The following ATP1B3 variants were observed in gnomAD, a reference collection of about 807,000 sequenced individuals.
The protein encoded by ATP1B3 is ATPase Na+/K+ transporting subunit beta 3.
A neutral mutation model predicts 30.2 loss-of-function variants in ATP1B3; 10 were observed. That is an observed-to-expected ratio of 0.33 (90% CI 0.20 to 0.56). The LOEUF is 0.56. ATP1B3 is among the 20% of genes least tolerant of loss of function. The pLI, the probability that ATP1B3 is intolerant of heterozygous loss-of-function variation, is 0.90. For missense variants in ATP1B3, 238 were observed against 336.7 expected, an observed-to-expected ratio of 0.71 and a Z score of 2.29; for synonymous variants, 113 against 117.0, an observed-to-expected ratio of 0.97 and a Z score of 0.22.
chr3:141,890,868 C>T (rs373673292), intron 1 of ATP1B3, among the ~76,000 whole-genome samples: 5 of 152,230 alleles, frequency 3.3e-5, no homozygotes, highest in East Asian at 3.8e-4. Flanking sequence ...TCACGGCCCC[C>T]AGTCTGTGTT....
At chr3:141,904,116 AGTTT>A (rs1934218443) in intron 2 of ATP1B3, among the ~76,000 whole-genome samples, 2 of 152,210 alleles carry the variant, frequency 1.3e-5, no homozygotes, top group South Asian at 4.1e-4. Context: ...ATTGAGTTAT[AGTTT>A]ATCTTCACCA....
intron 5 of ATP1B3, chr3:141,916,372 A>G (rs1185342580): frequency 2.1e-6 from 1 of 470,468 alleles, no homozygotes; most frequent in African/African-American, 2.0e-5. Context: ...CTCTTTCTTA[A>G]TAGTTAGTTG....
chr3:141,889,083 G>T (rs1425771587), intron 1 of ATP1B3, among the ~76,000 whole-genome samples: 1 of 148,734 alleles, frequency 6.7e-6, no homozygotes, highest in Non-Finnish European at 1.5e-5. Context: ...GAGAGAGAGA[G>T]CCAAGGGGGA....
At chr3:141,912,761 A>T (rs953543049) in intron 3 of ATP1B3, among the ~76,000 whole-genome samples, 1 of 152,168 alleles carries the variant, frequency 6.6e-6, no homozygotes, top group Non-Finnish European at 1.5e-5. Flanking sequence ...TGTGCCAAGT[A>T]CGGAGCAGAA....
At chr3:141,920,767 G>A (rs928915658) in intron 5 of ATP1B3, among the ~76,000 whole-genome samples, 7 of 152,174 alleles carry the variant, frequency 4.6e-5, no homozygotes, top group African/African-American at 1.4e-4. Flanking sequence ...GAGTACAAAT[G>A]TAGGGTGGAG....
intron 1 of ATP1B3, among the ~76,000 whole-genome samples, chr3:141,888,300 T>G (rs1015254603): frequency 2.0e-5 from 3 of 152,198 alleles, no homozygotes; most frequent in Non-Finnish European, 2.9e-5. Context: ...TCAGAGTGTT[T>G]CCTACAGATG....
chr3:141,890,284 GCTTTTTTTTTTTTTTTTTTT>G (rs1933922709), intron 1 of ATP1B3, among the ~76,000 whole-genome samples: 1 of 40,236 alleles, frequency 2.5e-5, no homozygotes, highest in Non-Finnish European at 4.6e-5. Context: ...TTTTTGTGGG[GCTTTTTTTTTTTTTTTTTTT>G]TTTTTTTTTT....
intron 1 of ATP1B3, among the ~76,000 whole-genome samples, chr3:141,897,931 A>C (rs1163077852): frequency 1.3e-5 from 2 of 152,200 alleles, no homozygotes; most frequent in African/African-American, 4.8e-5. Flanking sequence ...GCTGGTCTCG[A>C]ACTCCTGACC....
At chr3:141,880,350 C>T (rs990080018) in intron 1 of ATP1B3, among the ~76,000 whole-genome samples, 2 of 152,096 alleles carry the variant, frequency 1.3e-5, no homozygotes, top group East Asian at 1.9e-4. Flanking sequence ...TTCACAGTAA[C>T]GTAAAGCCAA....
chr3:141,912,056 T>C (rs1934371936), intron 3 of ATP1B3, among the ~76,000 whole-genome samples: 1 of 152,188 alleles, frequency 6.6e-6, no homozygotes, highest in South Asian at 2.1e-4. Context: ...TGCAAAGTGT[T>C]GGATGTCATG....
intron 1 of ATP1B3, among the ~76,000 whole-genome samples, chr3:141,886,253 C>T (rs1267611062): frequency 6.6e-6 from 1 of 152,126 alleles, no homozygotes; most frequent in Non-Finnish European, 1.5e-5. Context: ...GTTGTAGCTA[C>T]ACGGATGTAT....
intron 1 of ATP1B3, among the ~76,000 whole-genome samples, chr3:141,885,918 C>T (rs961458726): frequency 1.2e-4 from 18 of 150,452 alleles, no homozygotes; most frequent in African/African-American, 3.5e-4. Context: ...CACACACACA[C>T]ACACACCCCT....
chr3:141,904,316 T>TG (rs1316590079), intron 2 of ATP1B3, among the ~76,000 whole-genome samples: 1 of 151,906 alleles, frequency 6.6e-6, no homozygotes, highest in Non-Finnish European at 1.5e-5. Flanking sequence ...TTTTTTTTTT[T>TG]GTCAGAAGTA....
chr3:141,880,897 C>T (rs1315663505), intron 1 of ATP1B3, among the ~76,000 whole-genome samples: 1 of 152,080 alleles, frequency 6.6e-6, no homozygotes, highest in Non-Finnish European at 1.5e-5. Flanking sequence ...GACTCCAAGG[C>T]CAGAGATTTT....
At chr3:141,919,425 C>T (rs1432183287) in intron 5 of ATP1B3, among the ~76,000 whole-genome samples, 1 of 151,890 alleles carries the variant, frequency 6.6e-6, no homozygotes, top group African/African-American at 2.4e-5. Flanking sequence ...CCAAGGTGGC[C>T]TTTTATATTA....
At chr3:141,904,462 A>G (rs2068229) in intron 2 of ATP1B3, among the ~76,000 whole-genome samples, 52,830 of 151,770 alleles carry the variant, frequency 0.35, 10,386 homozygotes, top group East Asian at 0.54. Context: ...CACTAGCTTC[A>G]GTTAGAGCTT....
Position 141,926,478 on chromosome 3 carries a change from CTG to C in ATP1B3, c.*780_*781del, listed in dbSNP as rs1481321011. On this transcript the variant is annotated 3_prime_UTR_variant, in exon 7 of 7. Coordinates refer to ENST00000286371, the MANE Select transcript of ATP1B3 (RefSeq NM_001679.4). ...CTTGTTACTGCTTTTATTTAGCAGA[CTG>C]TGGACTGTAATAAAGTATATAAATT... 6.6e-6 allele frequency: 1 copy of C among 152,072 alleles called. No individual in the cohort carries two copies. Among genetic ancestry groups the C allele is most frequent in the Non-Finnish European group, 1.5e-5 (1 of 68,020 alleles). The allele number at this position is 152,072 out of a possible 1,614,324, so 9.4% of individuals were successfully genotyped here. A position where few individuals can be genotyped will look rare whatever the true frequency, so the allele number is the denominator to read the frequency against.
At chr3:141,917,477 C>T (rs756794002) in intron 5 of ATP1B3, among the ~76,000 whole-genome samples, 3 of 151,826 alleles carry the variant, frequency 2.0e-5, no homozygotes, top group Non-Finnish European at 2.9e-5. Flanking sequence ...AGGCAGATCA[C>T]GAGGTCAAGA....
At chr3:141,876,997 C>A in intron 1 of ATP1B3, 87 bp downstream of exon 1, 1 of 1,049,610 alleles carries the variant, frequency 9.5e-7, no homozygotes, top group Admixed American at 4.2e-5. Context: ...AGGCGGGAGG[C>A]GGCTCCCAGC....
Sources: gnomAD v4.1 joint callset for allele counts (sites outside exome capture counted in the v4.1 genomes callset) on GRCh38, gnomAD v4.1.1 for gene constraint, MANE v1.5 for transcripts, NCBI Gene and HGNC (gene_info 2026-07-23, HGNC 2026-07-21) for gene names.